The following PTBP3 variants were observed in gnomAD, a reference collection of about 807,000 sequenced individuals.
PTBP3 encodes the protein polypyrimidine tract binding protein 3, also known as polypyrimidine tract-binding protein 3.
Under a neutral mutation model 58.7 loss-of-function variants are expected in PTBP3, and 20 were observed. The observed-to-expected ratio is 0.34, with a 90% CI of 0.24 to 0.50. The LOEUF (loss-of-function observed/expected upper bound fraction) is 0.50. Among genes scored for constraint, PTBP3 ranks in the 20% least tolerant of loss-of-function variants. The pLI, the probability that PTBP3 is intolerant of heterozygous loss-of-function variation, is 0.98. For synonymous variants in PTBP3, 185 were observed against 219.8 expected (o/e 0.84, Z 1.40); for missense variants, 509 against 637.2 (o/e 0.80, Z 2.17).
At chr9:112,375,115 C>T in the PTBP3 span, among the ~76,000 whole-genome samples, 13 of 152,082 alleles carry the variant, frequency 8.5e-5, no homozygotes, top group Non-Finnish European at 1.9e-4. Flanking sequence ...GAGTGGTGTC[C>T]ACAGAACGAG....
At chr9:112,368,205 C>T in the PTBP3 span, among the ~76,000 whole-genome samples, 1 of 152,182 alleles carries the variant, frequency 6.6e-6, no homozygotes, top group Non-Finnish European at 1.5e-5. Flanking sequence ...GAGCGTCATT[C>T]TGTTGCCCAG....
chr9:112,262,113 T>C (rs146009560), intron 5 of PTBP3, among the ~76,000 whole-genome samples: 2 of 152,276 alleles, frequency 1.3e-5, no homozygotes, highest in East Asian at 3.9e-4. Flanking sequence ...AATAAATTAG[T>C]TGTACTCAAC....
the PTBP3 span, among the ~76,000 whole-genome samples, chr9:112,376,286 G>A: frequency 2.7e-5 from 3 of 110,872 alleles, no homozygotes; most frequent in East Asian, 8.9e-4. Context: ...AAAGAGTCTC[G>A]GTCTGTCACC....
chr9:112,340,825 G>A, the PTBP3 span, among the ~76,000 whole-genome samples: 7 of 151,460 alleles, frequency 4.6e-5, no homozygotes, highest in South Asian at 8.3e-4. Flanking sequence ...GCGGTGAGCC[G>A]AGATCGCGCC....
intron 1 of PTBP3, among the ~76,000 whole-genome samples, chr9:112,320,314 A>ATATATTTTT: frequency 5.9e-4 from 45 of 75,686 alleles, no homozygotes; most frequent in Admixed American, 6.6e-4. Context: ...ATATATATAT[A>ATATATTTTT]TTTTTTTTTA....
intron 1 of PTBP3, among the ~76,000 whole-genome samples, chr9:112,321,668 G>A (rs192731170): frequency 1.3e-5 from 2 of 152,172 alleles, no homozygotes; most frequent in Admixed American, 6.6e-5. Context: ...AGTCACAATC[G>A]AGGTATCCTT....
intron 1 of PTBP3, among the ~76,000 whole-genome samples, chr9:112,300,336 AAAC>A (rs1828862964): frequency 1.3e-5 from 2 of 152,246 alleles, no homozygotes; most frequent in Admixed American, 6.5e-5. Context: ...GTCAAACTGG[AAAC>A]AACTAAATGC....
At chr9:112,272,371 G>A (rs1048318310) in intron 3 of PTBP3, among the ~76,000 whole-genome samples, 9 of 151,928 alleles carry the variant, frequency 5.9e-5, no homozygotes, top group Non-Finnish European at 8.8e-5. Flanking sequence ...AGCCTTTGTC[G>A]CCCTATTTTA....
the PTBP3 span, among the ~76,000 whole-genome samples, chr9:112,364,544 G>A: frequency 6.6e-6 from 1 of 152,032 alleles, no homozygotes; most frequent in Non-Finnish European, 1.5e-5. Flanking sequence ...GAGGTGGAAG[G>A]ATAGCTTGAG....
chr9:112,309,787 CAAAA>C (rs34895970), intron 1 of PTBP3, among the ~76,000 whole-genome samples: 1 of 106,376 alleles, frequency 9.4e-6, no homozygotes, highest in African/African-American at 3.3e-5. Context: ...GACTCCGTCT[CAAAA>C]AAAAAAAAAA....
At position 112,222,106 on chromosome 9, in the gene PTBP3, T is replaced by C; in HGVS notation, c.*1745A>G. On this transcript the variant is annotated 3_prime_UTR_variant, in exon 14 of 14. Transcript: ENST00000374257. Reference sequence around the variant, plus strand: ...GCGCACACCACCATGCCCAGCAAGATATTCTTTATTCTTTTAAAAGTTGAG... The same window carrying C: ...GCGCACACCACCATGCCCAGCAAGACATTCTTTATTCTTTTAAAAGTTGAG... 1 of 985,366 alleles carries C rather than the reference T, an allele frequency of 1.0e-6. No individual in the cohort carries two copies. Among genetic ancestry groups the C allele is most frequent in the Non-Finnish European group, 1.2e-6 (1 of 829,458 alleles). The allele number at this position is 985,366 out of a possible 1,614,324, so 61.0% of individuals were successfully genotyped here.
intron 1 of PTBP3, among the ~76,000 whole-genome samples, chr9:112,323,224 G>C (rs1374160526): frequency 6.6e-6 from 1 of 152,188 alleles, no homozygotes; most frequent in Non-Finnish European, 1.5e-5. Context: ...CTGCACTCTA[G>C]CCTGGGAAAC....
At chr9:112,333,257 G>A (rs1047602831) in intron 1 of PTBP3, among the ~76,000 whole-genome samples, 1 of 152,114 alleles carries the variant, frequency 6.6e-6, no homozygotes, top group Non-Finnish European at 1.5e-5. Context: ...GGGGCGCCGC[G>A]TGGGGAAAGG....
At chr9:112,312,518 C>G (rs1268398680) in intron 1 of PTBP3, among the ~76,000 whole-genome samples, 2 of 121,022 alleles carry the variant, frequency 1.7e-5, no homozygotes, top group Non-Finnish European at 3.3e-5. Context: ...AAAAAAAGGA[C>G]GTGTGTGTGT....
intron 3 of PTBP3, among the ~76,000 whole-genome samples, chr9:112,271,557 C>T (rs1827386937): frequency 6.6e-6 from 1 of 152,074 alleles, no homozygotes; most frequent in South Asian, 2.1e-4. Flanking sequence ...CCCTTCTCTA[C>T]TAAAATCACA....
intron 1 of PTBP3, among the ~76,000 whole-genome samples, chr9:112,311,628 A>G (rs1355940723): frequency 1.3e-5 from 2 of 152,108 alleles, no homozygotes; most frequent in African/African-American, 2.4e-5. Context: ...GGCCCCCCCT[A>G]GATACTGAGG....
intron 2 of PTBP3, among the ~76,000 whole-genome samples, chr9:112,286,529 T>A (rs987244941): frequency 1.1e-4 from 17 of 152,198 alleles, no homozygotes; most frequent in Admixed American, 2.6e-4. Flanking sequence ...TCAAATAATA[T>A]TAAAACACCT....
At chr9:112,251,799 C>CATAT (rs148860557) in intron 6 of PTBP3, among the ~76,000 whole-genome samples, 3 of 150,906 alleles carry the variant, frequency 2.0e-5, no homozygotes, top group South Asian at 2.1e-4. Context: ...AAAAATAAAA[C>CATAT]ATATATATAT....
chr9:112,323,922 G>A (rs193053199), intron 1 of PTBP3, among the ~76,000 whole-genome samples: 1 of 152,244 alleles, frequency 6.6e-6, no homozygotes, highest in East Asian at 1.9e-4. Context: ...AGGAAGCTCT[G>A]AGAAAACCAA....
Sources: gnomAD v4.1 joint callset for allele counts (sites outside exome capture counted in the v4.1 genomes callset) on GRCh38, gnomAD v4.1.1 for gene constraint, MANE v1.5 for transcripts, NCBI Gene and HGNC (gene_info 2026-07-23, HGNC 2026-07-21) for gene names.